Variants in CIRSR observed in about 807,000 individuals in gnomAD.
CIRSR encodes CBF1 (RBPJ) interacting corepressor 1.
At chr2:174,349,050 G>A in the CIRSR span, 41 of 1,592,166 alleles carry the variant, frequency 2.6e-5, no homozygotes, top group Admixed American at 7.1e-5. Context: ...AGAGGAAGAG[G>A]AGGAGGAGGA....
the CIRSR span, among the ~76,000 whole-genome samples, chr2:174,393,953 A>G: frequency 6.6e-6 from 1 of 152,214 alleles, no homozygotes; most frequent in African/African-American, 2.4e-5. Flanking sequence ...AACTATCTAG[A>G]AAGGTCTGCT....
the CIRSR span, among the ~76,000 whole-genome samples, chr2:174,388,470 G>A: frequency 1.3e-5 from 2 of 152,158 alleles, no homozygotes; most frequent in Admixed American, 6.5e-5. Flanking sequence ...CCAAGTGCTG[G>A]GATTACAGGC....
At chr2:174,393,891 T>A in the CIRSR span, among the ~76,000 whole-genome samples, 1 of 152,208 alleles carries the variant, frequency 6.6e-6, no homozygotes, top group Admixed American at 6.5e-5. Flanking sequence ...AGTTCCTTTA[T>A]CCTTAGTTAA....
chr2:174,361,015 A>T, the CIRSR span, among the ~76,000 whole-genome samples: 1 of 152,184 alleles, frequency 6.6e-6, no homozygotes, highest in Non-Finnish European at 1.5e-5. Flanking sequence ...AATTTTAAAC[A>T]TCAAATCACC....
chr2:174,384,581 TTC>T, the CIRSR span, among the ~76,000 whole-genome samples: 1 of 152,172 alleles, frequency 6.6e-6, no homozygotes, highest in Non-Finnish European at 1.5e-5. Flanking sequence ...TTTTATTTAT[TTC>T]TCTTTGTTTT....
the CIRSR span, among the ~76,000 whole-genome samples, chr2:174,395,126 CA>C: frequency 1.6e-4 from 24 of 152,214 alleles, 1 homozygote; most frequent in East Asian, 4.6e-3. Flanking sequence ...GTTTAGTCAT[CA>C]AAAAGACACT....
At chr2:174,363,086 A>T in the CIRSR span, among the ~76,000 whole-genome samples, 91,221 of 152,018 alleles carry the variant, frequency 0.6, 29,360 homozygotes, top group East Asian at 0.8. Flanking sequence ...AACAAATGCT[A>T]ACTCTCAAGG....
At chr2:174,356,023 C>T in the CIRSR span, among the ~76,000 whole-genome samples, 3 of 152,154 alleles carry the variant, frequency 2.0e-5, no homozygotes, top group South Asian at 4.1e-4. Context: ...CCACCCACCT[C>T]GGCCTCCCAA....
the CIRSR span, among the ~76,000 whole-genome samples, chr2:174,384,932 G>A: frequency 6.6e-6 from 1 of 152,066 alleles, no homozygotes; most frequent in South Asian, 2.1e-4. Context: ...ATTTTCAGCT[G>A]GGCATGGCGG....
At chr2:174,374,072 A>G in the CIRSR span, among the ~76,000 whole-genome samples, 1 of 152,328 alleles carries the variant, frequency 6.6e-6, no homozygotes, top group East Asian at 1.9e-4. Flanking sequence ...TACTTAAGTG[A>G]ACCTTTACAT....
chr2:174,380,919 A>C, the CIRSR span: 3 of 896,890 alleles, frequency 3.3e-6, no homozygotes, highest in Non-Finnish European at 4.9e-6. Context: ...TTTAATTGTC[A>C]CTTGTAAGAA....
At chr2:174,390,358 G>A in the CIRSR span, among the ~76,000 whole-genome samples, 518 of 152,362 alleles carry the variant, frequency 3.4e-3, 1 homozygote, top group African/African-American at 0.012. Flanking sequence ...GGACTTGCAT[G>A]GGGCCTGTAG....
chr2:174,384,535 A>C, the CIRSR span, among the ~76,000 whole-genome samples: 3 of 152,228 alleles, frequency 2.0e-5, no homozygotes, highest in Admixed American at 2.0e-4. Context: ...TTTACAAAAA[A>C]ACCCACAGAC....
At chr2:174,356,597 G>C in the CIRSR span, among the ~76,000 whole-genome samples, 1 of 115,346 alleles carries the variant, frequency 8.7e-6, no homozygotes, top group African/African-American at 2.7e-5. Context: ...GAAAGAGGGA[G>C]GGAGGGAAGA....
chr2:174,357,381 T>C, the CIRSR span, among the ~76,000 whole-genome samples: 1 of 152,158 alleles, frequency 6.6e-6, no homozygotes, highest in South Asian at 2.1e-4. Flanking sequence ...CACCTGAAAA[T>C]ACACTTCTGG....
chr2:174,358,446 C>G, the CIRSR span: 1 of 156,686 alleles, frequency 6.4e-6, no homozygotes, highest in East Asian at 1.9e-4. Context: ...TCATGTTGGT[C>G]AGGCTGGTCT....
the CIRSR span, among the ~76,000 whole-genome samples, chr2:174,366,491 A>G: frequency 6.6e-6 from 1 of 152,240 alleles, no homozygotes; most frequent in African/African-American, 2.4e-5. Flanking sequence ...ACCTTCTCAG[A>G]CAACAAAAAT....
chr2:174,349,160 T>A, the CIRSR span: 1 of 1,447,690 alleles, frequency 6.9e-7, no homozygotes, highest in Non-Finnish European at 9.1e-7. Context: ...TCTTCTCCAG[T>A]CGATCTAATT....
At chr2:174,350,821 T>C in the CIRSR span, 47 of 1,102,070 alleles carry the variant, frequency 4.3e-5, no homozygotes, top group African/African-American at 6.7e-4. Flanking sequence ...AAAACATTTA[T>C]AAATAAGTTT....
Sources: gnomAD v4.1 joint callset for allele counts (sites outside exome capture counted in the v4.1 genomes callset) on GRCh38, gnomAD v4.1.1 for gene constraint, MANE v1.5 for transcripts, NCBI Gene and HGNC (gene_info 2026-07-23, HGNC 2026-07-21) for gene names.